The following SNCAIP variants were observed in gnomAD, a reference collection of about 807,000 sequenced individuals.
SNCAIP encodes the protein synphilin-1.
SNCAIP carries 43 observed loss-of-function variants against 86.7 expected under a neutral mutation model. The ratio of observed to expected loss-of-function variants is 0.50; its 90% CI spans 0.39 to 0.64. The LOEUF is 0.64. Among genes scored for constraint, SNCAIP ranks in the 30% least tolerant of loss-of-function variants. The pLI is 0.00. For synonymous variants in SNCAIP, 417 were observed against 427.2 expected (o/e 0.98, Z 0.29); for missense variants, 981 against 1,103.1 (o/e 0.89, Z 1.57).
intron 2 of SNCAIP, among the ~76,000 whole-genome samples, chr5:122,393,477 A>G (rs1283485137): frequency 6.6e-6 from 1 of 152,170 alleles, no homozygotes; most frequent in East Asian, 1.9e-4. Context: ...ACTTTTAGCC[A>G]CAACACTTTA....
chr5:122,322,417 T>C (rs750175905), intron 1 of SNCAIP, among the ~76,000 whole-genome samples: 1 of 152,218 alleles, frequency 6.6e-6, no homozygotes, highest in Admixed American at 6.5e-5. Flanking sequence ...ATCTGTTAAG[T>C]CATATAAACA....
intron 8 of SNCAIP, 123 bp downstream of exon 8, chr5:122,444,855 C>G: frequency 1.2e-6 from 1 of 849,358 alleles, no homozygotes; most frequent in Non-Finnish European, 2.0e-6. Flanking sequence ...TAGCATTCTC[C>G]TCTTCTGTTC....
chr5:122,358,109 C>T (rs980467607), intron 1 of SNCAIP, among the ~76,000 whole-genome samples: 1 of 151,632 alleles, frequency 6.6e-6, no homozygotes. Flanking sequence ...ACCTTCCATA[C>T]CCCTAAACAG....
intron 3 of SNCAIP, among the ~76,000 whole-genome samples, chr5:122,419,784 A>G (rs552620490): frequency 4.6e-5 from 7 of 152,362 alleles, no homozygotes; most frequent in African/African-American, 1.7e-4. Context: ...GTTTCCATGT[A>G]TGGTAAGAAA....
chr5:122,438,034 A>C (rs983363550), intron 6 of SNCAIP, among the ~76,000 whole-genome samples: 2 of 152,204 alleles, frequency 1.3e-5, no homozygotes, highest in African/African-American at 4.8e-5. Context: ...GCCTGGAAAT[A>C]TGGAATTACA....
intron 3 of SNCAIP, among the ~76,000 whole-genome samples, chr5:122,421,714 A>G (rs554548533): frequency 6.6e-6 from 1 of 152,288 alleles, no homozygotes; most frequent in African/African-American, 2.4e-5. Flanking sequence ...ATGGCAGGGA[A>G]CTAGGAACCC....
At chr5:122,344,074 T>C (rs1203965404) in intron 1 of SNCAIP, among the ~76,000 whole-genome samples, 1 of 152,234 alleles carries the variant, frequency 6.6e-6, no homozygotes, top group African/African-American at 2.4e-5. Context: ...TCACTTACTT[T>C]ACTCAATTTG....
intron 6 of SNCAIP, among the ~76,000 whole-genome samples, chr5:122,439,112 A>G (rs1205154577): frequency 6.6e-6 from 1 of 152,242 alleles, no homozygotes; most frequent in Non-Finnish European, 1.5e-5. Context: ...TAGAAAAAAA[A>G]CAAAGGAACT....
At chr5:122,463,465 T>C in intron 10 of SNCAIP, 26 bp from the exon 11 acceptor site, 1 of 1,343,442 alleles carries the variant, frequency 7.4e-7, no homozygotes, top group Non-Finnish European at 1.1e-6. Context: ...TATCTAATTT[T>C]GGCCTGTGGT....
intron 1 of SNCAIP, among the ~76,000 whole-genome samples, chr5:122,390,608 GT>G (rs1483480530): frequency 2.0e-5 from 3 of 152,136 alleles, no homozygotes; most frequent in Non-Finnish European, 2.9e-5. Flanking sequence ...TTGGTTAGTG[GT>G]ATCTGTCTTG....
intron 1 of SNCAIP, among the ~76,000 whole-genome samples, chr5:122,354,101 C>T (rs1760496244): frequency 6.6e-6 from 1 of 152,232 alleles, no homozygotes. Flanking sequence ...CCCAGCCAGA[C>T]TCTAACCTCA....
At chr5:122,404,633 A>G (rs1367651697) in intron 3 of SNCAIP, among the ~76,000 whole-genome samples, 2 of 152,196 alleles carry the variant, frequency 1.3e-5, no homozygotes, top group East Asian at 3.8e-4. Context: ...ATCACCATTA[A>G]CCTTCCCAAA....
At chr5:122,402,560 G>A (rs763896211) in intron 2 of SNCAIP, among the ~76,000 whole-genome samples, 7 of 151,726 alleles carry the variant, frequency 4.6e-5, no homozygotes, top group Non-Finnish European at 8.8e-5. Context: ...TGTGACATGC[G>A]GTTGGCAAAC....
At position 122,356,973 on chromosome 5, in the gene SNCAIP, C is replaced by T. The variant is rs183157413; in HGVS notation, c.-46-34116C>T. Among the ~76,000 whole-genome samples, 548 of 152,238 alleles carry T rather than the reference C, an allele frequency of 3.6e-3. 4 individuals are homozygous for T. The highest frequency in any genetic ancestry group is 0.012 in the African/African-American group (510 of 41,532). ...CTACTTGAAACCATTCACTGGCTTCCCTGTGCATCACAGTAAATTCCAAAC... is the reference window on the plus strand; with the variant it reads ...CTACTTGAAACCATTCACTGGCTTCTCTGTGCATCACAGTAAATTCCAAAC... On this transcript the variant is annotated intron_variant, in intron 1 of 10. Coordinates refer to ENST00000261368, the MANE Select transcript of SNCAIP (RefSeq NM_005460.4).
At chr5:122,380,391 C>A (rs1287907410) in intron 1 of SNCAIP, among the ~76,000 whole-genome samples, 1 of 152,002 alleles carries the variant, frequency 6.6e-6, no homozygotes, top group Non-Finnish European at 1.5e-5. Flanking sequence ...GTGATATCCC[C>A]TTTATCATTT....
intron 1 of SNCAIP, among the ~76,000 whole-genome samples, chr5:122,372,846 C>G (rs1764537218): frequency 2.0e-5 from 3 of 152,050 alleles, no homozygotes; most frequent in Non-Finnish European, 4.4e-5. Flanking sequence ...TTATAACCAT[C>G]CTTACTTCCT....
chr5:122,386,137 A>G (rs532238626), intron 1 of SNCAIP, among the ~76,000 whole-genome samples: 2 of 152,316 alleles, frequency 1.3e-5, no homozygotes, highest in South Asian at 4.1e-4. Context: ...AGCTTTTTCC[A>G]GTGATGCTGC....
intron 3 of SNCAIP, among the ~76,000 whole-genome samples, chr5:122,410,919 A>G (rs1773990161): frequency 1.3e-5 from 2 of 152,216 alleles, no homozygotes; most frequent in South Asian, 4.1e-4. Context: ...TGACTGGAAC[A>G]TTTCTTTGCT....
rs138187190 is a variant in SNCAIP at position 122,451,193 on chromosome 5, C to T, written c.2346C>T (p.Ser782=). 6.2e-7 allele frequency: 1 copy of T among 1,613,988 alleles called. No homozygotes were observed. The highest frequency in any genetic ancestry group is 8.5e-7 in the Non-Finnish European group (1 of 1,180,028). Residue 782 remains serine, a synonymous_variant, in exon 10 of 11, where the codon AGC becomes AGT. Coordinates refer to ENST00000261368, the MANE Select transcript of SNCAIP (RefSeq NM_005460.4). ...CCTCTGGTGACCCTCAGCAGCCCAG[C>T]CCTGACAGTACTGCTGCCCAGAAAG... ...NQPSGDPQQP[S]PDSTAAQKVA... is the part of the protein sequence containing the mutation.
Sources: gnomAD v4.1 joint callset for allele counts (sites outside exome capture counted in the v4.1 genomes callset) on GRCh38, gnomAD v4.1.1 for gene constraint, MANE v1.5 for transcripts, NCBI Gene and HGNC (gene_info 2026-07-23, HGNC 2026-07-21) for gene names.